The following VWC2 variants were observed in gnomAD, a reference collection of about 807,000 sequenced individuals.
VWC2 encodes von Willebrand factor C domain containing 2.
Under a neutral mutation model 29.8 loss-of-function variants are expected in VWC2, and 14 were observed. The ratio of observed to expected loss-of-function variants is 0.47; its 90% CI spans 0.31 to 0.74. VWC2 has a LOEUF of 0.74. VWC2 is among the 30% of genes least tolerant of loss of function. VWC2 has a pLI of 0.05. For missense variants in VWC2, 457 were observed against 459.8 expected, an observed-to-expected ratio of 0.99 and a Z score of 0.05; for synonymous variants, 213 against 199.0, an observed-to-expected ratio of 1.07 and a Z score of -0.59.
intron 3 of VWC2, among the ~76,000 whole-genome samples, chr7:49,911,789 T>G (rs1793454386): frequency 6.6e-6 from 1 of 151,148 alleles, no homozygotes; most frequent in Non-Finnish European, 1.5e-5. Flanking sequence ...CCTAGCTACT[T>G]GAAAGGCTGA....
chr7:49,848,397 G>C (rs976661576), intron 3 of VWC2, among the ~76,000 whole-genome samples: 1 of 152,222 alleles, frequency 6.6e-6, no homozygotes, highest in Non-Finnish European at 1.5e-5. Flanking sequence ...TGCAGTGTGT[G>C]AGAGCCGGGC....
rs556770505 is a variant in VWC2 at position 49,908,415 on chromosome 7, T to G, written c.827-3619T>G. ...CTTAGTGTAAAATGAGACATATAAT[T>G]AAAATCTAAATACAACAGGATAAGC... is the stretch of plus-strand genomic sequence containing the variant. On this transcript the variant is annotated intron_variant, in intron 3 of 3. Transcript: ENST00000340652. Among the ~76,000 whole-genome samples, 4 of 152,256 alleles carry G rather than the reference T, an allele frequency of 2.6e-5. No homozygotes were observed. The East Asian group carries it at 7.7e-4, about 29-fold the overall frequency.
At chr7:49,829,556 G>A (rs936624225) in intron 3 of VWC2, among the ~76,000 whole-genome samples, 1 of 152,250 alleles carries the variant, frequency 6.6e-6, no homozygotes, top group Admixed American at 6.5e-5. Flanking sequence ...AAGGGCTGAT[G>A]TTTGGCTGCA....
chr7:49,851,219 T>G (rs1044198494), intron 3 of VWC2, among the ~76,000 whole-genome samples: 3 of 152,188 alleles, frequency 2.0e-5, no homozygotes, highest in Non-Finnish European at 4.4e-5. Flanking sequence ...TCTTCTCCTT[T>G]TCTTATAATG....
At chr7:49,774,807 G>A (rs558900325) in intron 1 of VWC2, among the ~76,000 whole-genome samples, 5 of 152,314 alleles carry the variant, frequency 3.3e-5, no homozygotes, top group African/African-American at 9.6e-5. Context: ...AATGAATCGT[G>A]GAGTCCTAGG....
chr7:49,902,365 C>A (rs1243569282), intron 3 of VWC2, among the ~76,000 whole-genome samples: 1 of 151,916 alleles, frequency 6.6e-6, no homozygotes, highest in Non-Finnish European at 1.5e-5. Context: ...CATTTAAAAT[C>A]TATTGTATTG....
intron 3 of VWC2, among the ~76,000 whole-genome samples, chr7:49,821,004 G>GC (rs1238001190): frequency 1.1e-4 from 16 of 152,036 alleles, no homozygotes; most frequent in African/African-American, 2.9e-4. Flanking sequence ...GAGCTGCCCA[G>GC]CCCTCCCCGC....
intron 3 of VWC2, among the ~76,000 whole-genome samples, chr7:49,868,149 A>G (rs1790991606): frequency 1.3e-5 from 2 of 152,182 alleles, no homozygotes; most frequent in Admixed American, 1.3e-4. Context: ...AAATTACATT[A>G]TAAGTGAGGA....
chr7:49,919,588 T>A lies in VWC2; in HGVS notation c.*7403T>A, dbSNP rs184858340. The A allele has an allele frequency of 2.6e-5, 4 of 152,250 alleles. No homozygotes were observed. Among genetic ancestry groups the A allele is most frequent in the Admixed American group, 2.6e-4 (4 of 15,286 alleles). The allele number at this position is 152,250 out of a possible 1,614,324, so 9.4% of individuals were successfully genotyped here. A position where few individuals can be genotyped will look rare whatever the true frequency, so the allele number is the denominator to read the frequency against. On this transcript the variant is annotated 3_prime_UTR_variant, in exon 4 of 4. Transcript: ENST00000340652. ...AAATCCTCACAAACCCCAATTTAAT[T>A]TAATATAGATTAATTATAAAAATAA...
At chr7:49,873,746 AT>A (rs1313909062) in intron 3 of VWC2, among the ~76,000 whole-genome samples, 1 of 152,234 alleles carries the variant, frequency 6.6e-6, no homozygotes, top group Non-Finnish European at 1.5e-5. Context: ...TATTTGTTAA[AT>A]CATTGTTATT....
In VWC2 at chr7:49,869,071, C is replaced by T. The variant is rs34789209; in HGVS notation, c.827-42963C>T. On this transcript the variant is annotated intron_variant, in intron 3 of 3. Transcript: ENST00000340652. The stretch of plus-strand genomic sequence containing the variant: ...TGAGTTGTAGGGAATTTTTGAAACC[C>T]GTACAAGTGAGGAAACATTTACACT... Among the ~76,000 whole-genome samples the T allele has an allele frequency of 6.2e-3, 942 of 151,712 alleles. 10 individuals are homozygous for T. Among genetic ancestry groups the T allele is most frequent in the Non-Finnish European group, 9.8e-3 (664 of 67,954 alleles).
chr7:49,864,212 A>G lies in VWC2; in HGVS notation c.827-47822A>G, dbSNP rs1002731111. On this transcript the variant is annotated intron_variant, in intron 3 of 3. Coordinates refer to ENST00000340652, the MANE Select transcript of VWC2 (RefSeq NM_198570.5). Reference sequence around the variant, plus strand: ...GATATTGTTCAGTTAGCTTTTTCCAAAGGTTTCCTTGAATATCAAGGGAAA... The same window carrying G: ...GATATTGTTCAGTTAGCTTTTTCCAGAGGTTTCCTTGAATATCAAGGGAAA... Among the ~76,000 whole-genome samples, 3 of 152,120 alleles carry G rather than the reference A, an allele frequency of 2.0e-5. No individual in the cohort carries two copies. The South Asian group carries it at 6.2e-4, about 31-fold the overall frequency.
chr7:49,831,318 G>C (rs1789519877), intron 3 of VWC2, among the ~76,000 whole-genome samples: 1 of 152,148 alleles, frequency 6.6e-6, no homozygotes, highest in East Asian at 1.9e-4. Flanking sequence ...TAGACTGTCA[G>C]TAATTTGAAT....
intron 3 of VWC2, among the ~76,000 whole-genome samples, chr7:49,825,794 C>T (rs1331320189): frequency 6.6e-6 from 1 of 152,188 alleles, no homozygotes; most frequent in African/African-American, 2.4e-5. Flanking sequence ...GCACTTTTGT[C>T]CTTTAATGAT....
At chr7:49,848,609 C>A (rs550012497) in intron 3 of VWC2, among the ~76,000 whole-genome samples, 6 of 152,230 alleles carry the variant, frequency 3.9e-5, no homozygotes, top group Non-Finnish European at 5.9e-5. Context: ...CATCTTTTCC[C>A]TTTCTCCACT....
intron 3 of VWC2, among the ~76,000 whole-genome samples, chr7:49,838,509 G>A (rs988628961): frequency 1.3e-5 from 2 of 151,920 alleles, no homozygotes; most frequent in Non-Finnish European, 1.5e-5. Context: ...AGGCTGCCGT[G>A]CTGAGGATGT....
intron 2 of VWC2, among the ~76,000 whole-genome samples, chr7:49,778,668 G>A (rs1198162689): frequency 6.6e-6 from 1 of 152,228 alleles, no homozygotes; most frequent in Non-Finnish European, 1.5e-5. Flanking sequence ...AATGTAGAAT[G>A]GTATAGGGTT....
At chr7:49,884,770 G>C (rs1010721874) in intron 3 of VWC2, among the ~76,000 whole-genome samples, 2 of 150,434 alleles carry the variant, frequency 1.3e-5, no homozygotes, top group African/African-American at 4.9e-5. Flanking sequence ...CATAAACGGG[G>C]AAAAAAATAA....
chr7:49,879,046 C>A (rs1791563256), intron 3 of VWC2, among the ~76,000 whole-genome samples: 1 of 152,186 alleles, frequency 6.6e-6, no homozygotes, highest in Admixed American at 6.6e-5. Flanking sequence ...GTGCTCCACT[C>A]CACTGGATGT....
Sources: gnomAD v4.1 joint callset for allele counts (sites outside exome capture counted in the v4.1 genomes callset) on GRCh38, gnomAD v4.1.1 for gene constraint, MANE v1.5 for transcripts, NCBI Gene and HGNC (gene_info 2026-07-23, HGNC 2026-07-21) for gene names.